CAMK2A: variants seen among roughly 807,000 people sequenced by gnomAD.
The protein encoded by CAMK2A is calcium/calmodulin-dependent protein kinase type II subunit alpha.
A neutral mutation model predicts 79.2 loss-of-function variants in CAMK2A; 7 were observed. The observed-to-expected ratio is 0.09, with a 90% confidence interval of 0.05 to 0.17. The LOEUF is 0.17. Ranked by LOEUF, CAMK2A falls within the 10% of genes least tolerant of loss-of-function variation. The pLI is 1.00. For synonymous variants in CAMK2A, 242 were observed against 251.7 expected (o/e 0.96, Z 0.36); for missense variants, 214 against 646.4 (o/e 0.33, Z 7.25).
At chr5:150,258,334 C>T (rs907922350) in intron 3 of CAMK2A, among the ~76,000 whole-genome samples, 1 of 152,202 alleles carries the variant, frequency 6.6e-6, no homozygotes, top group African/African-American at 2.4e-5. Flanking sequence ...TCCTGTCAGT[C>T]AAGAGCAAGT....
chr5:150,272,069 G>A (rs1017610301), intron 2 of CAMK2A, among the ~76,000 whole-genome samples: 2 of 152,308 alleles, frequency 1.3e-5, no homozygotes, highest in Admixed American at 1.3e-4. Context: ...CCCGAGAGTG[G>A]CGTGGCTGAA....
At chr5:150,233,901 C>A (rs112255310) in intron 15 of CAMK2A, among the ~76,000 whole-genome samples, 1 of 152,098 alleles carries the variant, frequency 6.6e-6, no homozygotes, top group Non-Finnish European at 1.5e-5. Flanking sequence ...CAACCTCCCC[C>A]TCGTGGGTTC....
chr5:150,264,820 T>G (rs901326237), intron 3 of CAMK2A, 136 bp downstream of exon 3: 1 of 687,740 alleles, frequency 1.5e-6, no homozygotes, highest in African/African-American at 1.8e-5. Flanking sequence ...AGACGCCCCC[T>G]TTCCCATCTC....
At chr5:150,281,395 A>G (rs1353931478) in intron 1 of CAMK2A, among the ~76,000 whole-genome samples, 2 of 152,256 alleles carry the variant, frequency 1.3e-5, no homozygotes, top group Non-Finnish European at 2.9e-5. Context: ...AGAGGTTAGA[A>G]TGCCTGGGGG....
chr5:150,263,151 G>A (rs957636246), intron 3 of CAMK2A, among the ~76,000 whole-genome samples: 4 of 152,164 alleles, frequency 2.6e-5, no homozygotes, highest in African/African-American at 9.7e-5. Flanking sequence ...CTTCAAAGTG[G>A]TGGAGCTACA....
chr5:150,250,071 C>T (rs1012453295), intron 11 of CAMK2A, among the ~76,000 whole-genome samples, 155 bp downstream of exon 11: 3 of 152,230 alleles, frequency 2.0e-5, no homozygotes, highest in African/African-American at 7.2e-5. Flanking sequence ...GCTCACTCCC[C>T]AAGCCCAACC....
chr5:150,248,589 G>GT (rs1241077020), intron 11 of CAMK2A, among the ~76,000 whole-genome samples: 5 of 147,174 alleles, frequency 3.4e-5, no homozygotes, highest in Non-Finnish European at 7.4e-5. Context: ...TGCGCTGTTT[G>GT]TTTTTTTGTC....
rs1397529196 is a variant in CAMK2A at position 150,222,489 on chromosome 5, G to A, written c.*221C>T. On this transcript the variant is annotated 3_prime_UTR_variant, in exon 19 of 19. Coordinates refer to ENST00000671881, the MANE Select transcript of CAMK2A (RefSeq NM_015981.4). ...GAGGAAGCCCCAGCCTGGCAGGGGA[G>A]AGGGTGGGGGTGAGAGGTGGGGAGA... is the stretch of plus-strand genomic sequence containing the variant. 1 of 705,200 alleles carries A rather than the reference G, an allele frequency of 1.4e-6. No homozygotes were observed. The allele number at this position is 705,200 out of a possible 1,614,324, so 43.7% of individuals were successfully genotyped here. A position where few individuals can be genotyped will look rare whatever the true frequency, so the allele number is the denominator to read the frequency against.
At chr5:150,252,152 T>C (rs1375477590) in intron 7 of CAMK2A, 87 bp from the exon 8 acceptor site, 1 of 1,029,854 alleles carries the variant, frequency 9.7e-7, no homozygotes, top group Non-Finnish European at 1.5e-6. Context: ...GAAGAGGGGA[T>C]GAGGATTGCT....
At chr5:150,254,319 CTGT>C (rs1190424540) in intron 6 of CAMK2A, among the ~76,000 whole-genome samples, 1 of 152,176 alleles carries the variant, frequency 6.6e-6, no homozygotes, top group Non-Finnish European at 1.5e-5. Flanking sequence ...CTGTTCACCA[CTGT>C]ATCACCAGCA....
chr5:150,241,947 C>T (rs946329507), intron 13 of CAMK2A, among the ~76,000 whole-genome samples: 9 of 152,132 alleles, frequency 5.9e-5, no homozygotes, highest in East Asian at 3.9e-4. Context: ...CCCGAGGAGC[C>T]GCGCAGGGGC....
At chr5:150,257,957 C>T (rs544728975) in intron 3 of CAMK2A, among the ~76,000 whole-genome samples, 2 of 152,354 alleles carry the variant, frequency 1.3e-5, no homozygotes, top group South Asian at 2.1e-4. Flanking sequence ...ACTTACTAGC[C>T]GTGTGACTTC....
chr5:150,222,924 C>A, intron 18 of CAMK2A, 65 bp downstream of exon 18: 2 of 1,514,690 alleles, frequency 1.3e-6, no homozygotes, highest in Middle Eastern at 1.7e-4. Flanking sequence ...CCCGACGTAA[C>A]CCCCTCCAGG....
At chr5:150,289,499 C>A in intron 1 of CAMK2A, 65 bp downstream of exon 1, 4 of 1,257,728 alleles carry the variant, frequency 3.2e-6, no homozygotes, top group East Asian at 2.3e-5. Context: ...GGCACACACA[C>A]CCCACTAGAG....
At chr5:150,241,046 T>C (rs528344702) in intron 13 of CAMK2A, among the ~76,000 whole-genome samples, 7 of 152,190 alleles carry the variant, frequency 4.6e-5, no homozygotes, top group Non-Finnish European at 8.8e-5. Flanking sequence ...CATCTTCCAA[T>C]AGGACTTCTT....
chr5:150,254,189 T>C (rs1755958094), intron 6 of CAMK2A, among the ~76,000 whole-genome samples: 1 of 152,186 alleles, frequency 6.6e-6, no homozygotes, highest in African/African-American at 2.4e-5. Flanking sequence ...AGGCATCCTG[T>C]GTCTTTGCTC....
At chr5:150,254,968 G>T (rs1755991713) in intron 6 of CAMK2A, among the ~76,000 whole-genome samples, 1 of 152,058 alleles carries the variant, frequency 6.6e-6, no homozygotes, top group Non-Finnish European at 1.5e-5. Context: ...ACTTCTGAAG[G>T]GTCCCACCTC....
At chr5:150,253,369 G>T in intron 7 of CAMK2A, 75 bp downstream of exon 7, 1 of 1,188,422 alleles carries the variant, frequency 8.4e-7, no homozygotes. Context: ...ACTCAGGCAG[G>T]GGGTTCCCAG....
At chr5:150,274,854 G>T (rs1756885880) in intron 1 of CAMK2A, among the ~76,000 whole-genome samples, 2 of 152,208 alleles carry the variant, frequency 1.3e-5, no homozygotes, top group South Asian at 4.1e-4. Flanking sequence ...CCAGGTTTTT[G>T]ACATGGCTGC....
Sources: allele counts gnomAD v4.1 joint callset (sites outside exome capture counted in the v4.1 genomes callset), GRCh38; gene constraint gnomAD v4.1.1; transcripts MANE v1.5; gene names NCBI Gene and HGNC (gene_info 2026-07-23, HGNC 2026-07-21).